The following FRMD6 variants were observed in gnomAD, a reference collection of about 807,000 sequenced individuals.
FRMD6 encodes FERM domain containing 6, also known as FERM domain-containing protein 6.
In FRMD6, 37 loss-of-function variants were observed where a neutral mutation model predicts 73.2. The observed-to-expected ratio is 0.51, with a 90% CI of 0.39 to 0.66. The LOEUF is 0.66. Ranked by LOEUF, FRMD6 falls within the 30% of genes least tolerant of loss-of-function variation. FRMD6 has a pLI of 0.00. For synonymous variants in FRMD6, 273 were observed against 282.2 expected, an observed-to-expected ratio of 0.97 and a Z score of 0.33; for missense variants, 714 against 780.5, an observed-to-expected ratio of 0.91 and a Z score of 1.02.
chr14:51,516,324 G>A (rs563194946), intron 1 of FRMD6, among the ~76,000 whole-genome samples: 1 of 152,280 alleles, frequency 6.6e-6, no homozygotes, highest in South Asian at 2.1e-4. Flanking sequence ...GACATAAGGC[G>A]GGTCCATCCG....
At chr14:51,422,927 A>AAGT in the FRMD6 span, among the ~76,000 whole-genome samples, 1 of 152,198 alleles carries the variant, frequency 6.6e-6, no homozygotes, top group African/African-American at 2.4e-5. Flanking sequence ...TTGACCAATG[A>AAGT]GATGTGAGCA....
the FRMD6 span, among the ~76,000 whole-genome samples, chr14:51,462,435 G>T: frequency 1.3e-5 from 2 of 152,294 alleles, no homozygotes; most frequent in Non-Finnish European, 2.9e-5. Flanking sequence ...TCCTGCTTGT[G>T]CCTGCTTGAA....
chr14:51,619,051 T>C (rs995957460), intron 2 of FRMD6, among the ~76,000 whole-genome samples: 2 of 152,000 alleles, frequency 1.3e-5, no homozygotes, highest in African/African-American at 4.8e-5. Flanking sequence ...TAGAATTCCC[T>C]TAACTGTGAT....
chr14:51,557,550 T>C (rs1223575956), intron 1 of FRMD6, among the ~76,000 whole-genome samples: 1 of 152,122 alleles, frequency 6.6e-6, no homozygotes, highest in East Asian at 1.9e-4. Context: ...CTTCAAATGA[T>C]ACACAATTTC....
chr14:51,544,898 C>T (rs540903336), intron 1 of FRMD6, among the ~76,000 whole-genome samples: 6 of 152,012 alleles, frequency 3.9e-5, no homozygotes, highest in Non-Finnish European at 5.9e-5. Flanking sequence ...ACTACACACA[C>T]GTGTATAAGG....
Position 51,657,670 on chromosome 14 carries a change from C to T in FRMD6, c.-147+5674C>T, listed in dbSNP as rs901135468. 3.3e-5 allele frequency among the ~76,000 whole-genome samples: 5 copies of T among 151,948 alleles called. No homozygotes were observed. The East Asian group carries it at 7.7e-4, about 23-fold the overall frequency. On this transcript the variant is annotated intron_variant, in intron 1 of 13. Transcript: ENST00000344768. Reference sequence around the variant, plus strand: ...TTTGATGGCTCTAAAAAATGTTGAGCACTTTGGGGTTGAAAGCAGAGTATG... The same window carrying T: ...TTTGATGGCTCTAAAAAATGTTGAGTACTTTGGGGTTGAAAGCAGAGTATG...
intron 2 of FRMD6, among the ~76,000 whole-genome samples, chr14:51,614,492 A>G (rs1013025010): frequency 6.6e-6 from 1 of 152,242 alleles, no homozygotes; most frequent in African/African-American, 2.4e-5. Flanking sequence ...AAACAGAAAC[A>G]AAGAGTTATA....
chr14:51,687,739 TTTTGAGCACACAAA>T (rs1170351792), intron 1 of FRMD6, among the ~76,000 whole-genome samples: 2 of 152,184 alleles, frequency 1.3e-5, no homozygotes, highest in African/African-American at 4.8e-5. Context: ...CAGGAAAATG[TTTTGAGCACACAAA>T]TTTGACCTGT....
chr14:51,524,302 T>C (rs1035144971), intron 1 of FRMD6, among the ~76,000 whole-genome samples: 9 of 152,078 alleles, frequency 5.9e-5, no homozygotes, highest in African/African-American at 2.2e-4. Flanking sequence ...AAATATAATA[T>C]ATATAAAGAT....
chr14:51,625,201 T>TTTTAC (rs1891070897), intron 2 of FRMD6, among the ~76,000 whole-genome samples: 1 of 152,184 alleles, frequency 6.6e-6, no homozygotes, highest in African/African-American at 2.4e-5. Context: ...TTTGAATACT[T>TTTTAC]GGCATATTAC....
intron 1 of FRMD6, among the ~76,000 whole-genome samples, chr14:51,496,963 C>G (rs1950920): frequency 0.6 from 90,541 of 151,512 alleles, 27,261 homozygotes; most frequent in South Asian, 0.72. Flanking sequence ...GCATATCCTG[C>G]CCCCTGTTCA....
At chr14:51,716,985 AT>A (rs1897274498) in intron 10 of FRMD6, among the ~76,000 whole-genome samples, 1 of 152,158 alleles carries the variant, frequency 6.6e-6, no homozygotes, top group African/African-American at 2.4e-5. Flanking sequence ...TGCCTGCAGC[AT>A]TTTAGTACAT....
intron 12 of FRMD6, 82 bp from the exon 13 acceptor site, chr14:51,725,697 G>T: frequency 9.4e-7 from 1 of 1,058,962 alleles, no homozygotes; most frequent in Non-Finnish European, 1.4e-6. Flanking sequence ...TTTCATTCCT[G>T]ATAGCAATAT....
chr14:51,552,295 G>A (rs76717422), intron 1 of FRMD6, among the ~76,000 whole-genome samples: 2,720 of 152,296 alleles, frequency 0.018, 79 homozygotes, highest in African/African-American at 0.062. Flanking sequence ...GTGATTTAGC[G>A]TTGAATCCTA....
At chr14:51,531,227 G>A (rs1008259045) in intron 1 of FRMD6, among the ~76,000 whole-genome samples, 1 of 152,096 alleles carries the variant, frequency 6.6e-6, no homozygotes, top group African/African-American at 2.4e-5. Flanking sequence ...AGTGATTAAG[G>A]TTATCACCAG....
chr14:51,422,443 G>A, the FRMD6 span, among the ~76,000 whole-genome samples: 4 of 152,068 alleles, frequency 2.6e-5, 2 homozygotes, highest in South Asian at 8.3e-4. Context: ...GTACATGACT[G>A]ATAAATAAAC....
chr14:51,644,184 T>C (rs1195853849), intron 2 of FRMD6, among the ~76,000 whole-genome samples: 3 of 152,080 alleles, frequency 2.0e-5, no homozygotes, highest in South Asian at 2.1e-4. Context: ...AAAATAAACA[T>C]TACGTGAACT....
At chr14:51,608,308 A>T (rs557468399) in intron 2 of FRMD6, among the ~76,000 whole-genome samples, 10 of 152,224 alleles carry the variant, frequency 6.6e-5, no homozygotes, top group South Asian at 2.1e-4. Flanking sequence ...TTTCCCTCAA[A>T]TCCTGGTTCT....
the FRMD6 span, among the ~76,000 whole-genome samples, chr14:51,465,633 A>AGTTT: frequency 6.6e-6 from 1 of 152,206 alleles, no homozygotes; most frequent in African/African-American, 2.4e-5. Context: ...ATGTATCAAG[A>AGTTT]GTTTGTTCCT....
Sources: allele counts gnomAD v4.1 joint callset (sites outside exome capture counted in the v4.1 genomes callset), GRCh38; gene constraint gnomAD v4.1.1; transcripts MANE v1.5; gene names NCBI Gene and HGNC (gene_info 2026-07-23, HGNC 2026-07-21).